SEPTIN7: variants seen among roughly 807,000 people sequenced by gnomAD.
The protein encoded by SEPTIN7 is septin 7.
SEPTIN7 carries 10 observed loss-of-function variants against 63.3 expected under a neutral mutation model. The observed-to-expected ratio is 0.16, with a 90% CI of 0.10 to 0.27. The LOEUF (loss-of-function observed/expected upper bound fraction) is 0.27, where lower values mean the gene tolerates loss of function less well. Ranked by LOEUF, SEPTIN7 falls within the 10% of genes least tolerant of loss-of-function variation. The pLI, the probability that SEPTIN7 is intolerant of heterozygous loss-of-function variation, is 1.00. For missense variants in SEPTIN7, 310 were observed against 521.0 expected, an observed-to-expected ratio of 0.59 and a Z score of 3.94; for synonymous variants, 131 against 165.3, an observed-to-expected ratio of 0.79 and a Z score of 1.59.
intron 3 of SEPTIN7, among the ~76,000 whole-genome samples, chr7:35,851,706 C>T (rs1412088104): frequency 5.3e-5 from 8 of 152,114 alleles, no homozygotes; most frequent in African/African-American, 1.9e-4. Flanking sequence ...ACTTCCTTCC[C>T]TTTAGTAAAG....
chr7:35,807,941 G>A (rs1788457961), intron 1 of SEPTIN7, among the ~76,000 whole-genome samples: 1 of 151,838 alleles, frequency 6.6e-6, no homozygotes, highest in Non-Finnish European at 1.5e-5. Context: ...TCCTTCCTCA[G>A]CCTCCTAAGT....
chr7:35,884,039 A>G (rs1161449048), intron 9 of SEPTIN7, 52 bp downstream of exon 9: 1 of 1,161,100 alleles, frequency 8.6e-7, no homozygotes, highest in African/African-American at 1.5e-5. Context: ...AACTGATTAA[A>G]AATTTGTATT....
At chr7:35,809,521 C>A (rs1788564512) in intron 1 of SEPTIN7, among the ~76,000 whole-genome samples, 1 of 152,168 alleles carries the variant, frequency 6.6e-6, no homozygotes. Flanking sequence ...CAACCCATAA[C>A]TGGCTTGCAT....
intron 1 of SEPTIN7, among the ~76,000 whole-genome samples, chr7:35,801,876 C>A (rs1191341909): frequency 6.6e-6 from 1 of 151,968 alleles, no homozygotes; most frequent in African/African-American, 2.4e-5. Flanking sequence ...CCAGTCACCG[C>A]GTCGCCTCCC....
chr7:35,821,153 A>G (rs2115793671), intron 1 of SEPTIN7, among the ~76,000 whole-genome samples: 1 of 152,270 alleles, frequency 6.6e-6, no homozygotes, highest in South Asian at 2.1e-4. Context: ...TAGAGAGATG[A>G]CAATGGGCAA....
At chr7:35,828,828 A>G (rs1218607261) in intron 1 of SEPTIN7, among the ~76,000 whole-genome samples, 1 of 152,082 alleles carries the variant, frequency 6.6e-6, no homozygotes, top group Non-Finnish European at 1.5e-5. Context: ...TGGCATGATC[A>G]CAGCTCACTG....
At chr7:35,858,640 C>A (rs1785333709) in intron 3 of SEPTIN7, among the ~76,000 whole-genome samples, 1 of 151,956 alleles carries the variant, frequency 6.6e-6, no homozygotes, top group Non-Finnish European at 1.5e-5. Flanking sequence ...AGGCATGAGC[C>A]ACCGCACCTG....
chr7:35,877,207 A>G (rs1317658503), intron 6 of SEPTIN7, among the ~76,000 whole-genome samples: 1 of 152,216 alleles, frequency 6.6e-6, no homozygotes, highest in African/African-American at 2.4e-5. Context: ...TTCCATCTAC[A>G]CACACTTTTT....
intron 3 of SEPTIN7, among the ~76,000 whole-genome samples, chr7:35,853,124 A>G (rs944253162): frequency 9.2e-5 from 14 of 152,034 alleles, no homozygotes; most frequent in African/African-American, 2.9e-4. Flanking sequence ...TTCCATTTGA[A>G]GCTCATTGTG....
At chr7:35,895,915 A>G (rs1392891175) in intron 11 of SEPTIN7, among the ~76,000 whole-genome samples, 3 of 152,186 alleles carry the variant, frequency 2.0e-5, no homozygotes, top group Admixed American at 6.5e-5. Context: ...GGTTCAAGCA[A>G]TTCTCCTGTC....
chr7:35,846,188 G>T (rs1345089015), intron 3 of SEPTIN7, among the ~76,000 whole-genome samples: 1 of 152,138 alleles, frequency 6.6e-6, no homozygotes, highest in African/African-American at 2.4e-5. Context: ...ATCTAATGCT[G>T]TGGCAAGCAT....
chr7:35,843,484 A>C (rs1784511480), intron 3 of SEPTIN7, among the ~76,000 whole-genome samples: 1 of 152,204 alleles, frequency 6.6e-6, no homozygotes, highest in South Asian at 2.1e-4. Context: ...TTTAGGAAGA[A>C]ATATGGAAAA....
chr7:35,831,061 T>G (rs1423490421), intron 1 of SEPTIN7, among the ~76,000 whole-genome samples: 1 of 152,216 alleles, frequency 6.6e-6, no homozygotes, highest in Non-Finnish European at 1.5e-5. Context: ...ATTTTTTTTC[T>G]TCTTGTAATT....
intron 12 of SEPTIN7, chr7:35,899,490 A>C (rs1404466148): frequency 6.6e-6 from 1 of 152,318 alleles, no homozygotes; most frequent in Non-Finnish European, 1.5e-5. Context: ...AACTGAGATC[A>C]CGTCACTGCA....
chr7:35,814,697 C>T (rs957307990), intron 1 of SEPTIN7, among the ~76,000 whole-genome samples: 2 of 151,638 alleles, frequency 1.3e-5, no homozygotes, highest in African/African-American at 4.8e-5. Context: ...GGATTCTGAC[C>T]GGGTGTGGTG....
chr7:35,836,998 T>G (rs1784115343), intron 3 of SEPTIN7, among the ~76,000 whole-genome samples: 1 of 152,174 alleles, frequency 6.6e-6, no homozygotes, highest in Non-Finnish European at 1.5e-5. Flanking sequence ...TTATACACTT[T>G]AAAATGGTGA....
At chr7:35,809,440 G>C (rs1220331016) in intron 1 of SEPTIN7, among the ~76,000 whole-genome samples, 3 of 152,216 alleles carry the variant, frequency 2.0e-5, no homozygotes, top group Non-Finnish European at 4.4e-5. Flanking sequence ...AGACTATATT[G>C]CAGTTGACTT....
intron 1 of SEPTIN7, among the ~76,000 whole-genome samples, chr7:35,808,276 A>G (rs150217145): frequency 1.1e-4 from 16 of 152,224 alleles, no homozygotes; most frequent in Non-Finnish European, 2.1e-4. Context: ...AGTTTCTTGT[A>G]TGTTCTTCCA....
chr7:35,899,281 C>T (rs4720187), intron 12 of SEPTIN7: 78,613 of 152,050 alleles, frequency 0.52, 22,020 homozygotes, highest in Admixed American at 0.63. Flanking sequence ...ATGCCTGTAA[C>T]GCCAGCACTT....
Sources: gnomAD v4.1 joint callset for allele counts (sites outside exome capture counted in the v4.1 genomes callset) on GRCh38, gnomAD v4.1.1 for gene constraint, MANE v1.5 for transcripts, NCBI Gene and HGNC (gene_info 2026-07-23, HGNC 2026-07-21) for gene names.